Variants in DOCK4 observed in about 807,000 individuals in gnomAD.
DOCK4 encodes the protein dedicator of cytokinesis 4, also known as dedicator of cytokinesis protein 4.
Under a neutral mutation model 268.1 loss-of-function variants are expected in DOCK4, and 97 were observed. The observed-to-expected ratio is 0.36, with a 90% CI of 0.31 to 0.43. The LOEUF (loss-of-function observed/expected upper bound fraction) is 0.43, where lower values mean the gene tolerates loss of function less well. DOCK4 is among the 20% of genes least tolerant of loss of function. DOCK4 has a pLI of 1.00. For missense variants in DOCK4, 2,145 were observed against 2,455.7 expected (o/e 0.87, Z 2.67); for synonymous variants, 954 against 887.2 (o/e 1.08, Z -1.34).
chr7:111,735,924 A>G (rs1435909775), intron 50 of DOCK4, among the ~76,000 whole-genome samples: 1 of 152,168 alleles, frequency 6.6e-6, no homozygotes, highest in Admixed American at 6.5e-5. Context: ...TTTTCACTTA[A>G]TGGGATGGAG....
intron 23 of DOCK4, among the ~76,000 whole-genome samples, chr7:111,859,730 G>T (rs1187992849): frequency 6.6e-6 from 1 of 151,438 alleles, no homozygotes; most frequent in Admixed American, 6.6e-5. Context: ...ACTACGCCCG[G>T]CTAATTTTTT....
At chr7:112,197,690 T>A (rs955651534) in intron 1 of DOCK4, among the ~76,000 whole-genome samples, 1 of 152,074 alleles carries the variant, frequency 6.6e-6, no homozygotes, top group African/African-American at 2.4e-5. Flanking sequence ...AAATTTGGGG[T>A]CTGTCATGTT....
At chr7:111,833,200 A>G (rs933454320) in intron 26 of DOCK4, among the ~76,000 whole-genome samples, 67 of 152,118 alleles carry the variant, frequency 4.4e-4, no homozygotes, top group African/African-American at 1.3e-3. Flanking sequence ...TTGTACTCAG[A>G]GTGGGTAAGT....
chr7:112,132,503 A>T (rs892123229), intron 1 of DOCK4, among the ~76,000 whole-genome samples: 1 of 152,198 alleles, frequency 6.6e-6, no homozygotes, highest in Non-Finnish European at 1.5e-5. Flanking sequence ...GATGATATCT[A>T]GAAACAACAC....
Position 111,778,342 on chromosome 7 carries a change from C to T in DOCK4, c.3613G>A (p.Glu1205Lys). The T allele has an allele frequency of 1.2e-6, 2 of 1,612,216 alleles. No homozygotes were observed. Among genetic ancestry groups the T allele is most frequent in the Non-Finnish European group, 1.7e-6 (2 of 1,178,592 alleles). The change falls in exon 36 of 53, where the codon GAG (glutamate) becomes AAG (lysine). Residue 1205 changes from glutamate to lysine, a missense_variant. By Grantham distance (56) the Glu-to-Lys change is moderately conservative (BLOSUM62 1). Around this residue, in one of 2 missense-constraint regions of DOCK4, gnomAD observed 1,598 missense variants for 1,986.7 expected, o/e 0.80. Transcript: ENST00000428084. ...TGAATGTAGCGTATATACATCTCCT[C>T]CTTGTTCAGTTCAGTCTTATAGAAG... The part of the protein sequence containing the change: ...LNFYKTELNK[E>K]EMYIRYIHKL...
intron 32 of DOCK4, 30 bp from the exon 33 acceptor site, chr7:111,784,153 T>C: frequency 6.4e-7 from 1 of 1,561,066 alleles, no homozygotes; most frequent in Non-Finnish European, 8.6e-7. Flanking sequence ...CAAAGCAAAT[T>C]GATTTTCAGA....
intron 1 of DOCK4, among the ~76,000 whole-genome samples, chr7:112,021,838 G>C (rs565351398): frequency 1.4e-4 from 21 of 152,228 alleles, no homozygotes; most frequent in Non-Finnish European, 2.4e-4. Context: ...TCTTCGCCCT[G>C]CGCTTCCCTA....
intron 13 of DOCK4, among the ~76,000 whole-genome samples, chr7:111,902,951 A>G (rs968305842): frequency 1.3e-5 from 2 of 152,084 alleles, no homozygotes; most frequent in Admixed American, 1.3e-4. Context: ...TTGTATTTTT[A>G]GCAGAGATGG....
At chr7:112,114,808 C>G (rs1811976307) in intron 1 of DOCK4, among the ~76,000 whole-genome samples, 1 of 152,182 alleles carries the variant, frequency 6.6e-6, no homozygotes, top group Non-Finnish European at 1.5e-5. Context: ...TTGATTCACA[C>G]TAAGTAGCCA....
chr7:112,151,460 A>C (rs920870327), intron 1 of DOCK4, among the ~76,000 whole-genome samples: 2 of 152,156 alleles, frequency 1.3e-5, no homozygotes. Context: ...CACAGTTGTC[A>C]CACAGCTAGG....
At position 111,897,062 on chromosome 7, in the gene DOCK4, C is replaced by A. The variant is rs150068037; in HGVS notation, c.1481-1344G>T. Among the ~76,000 whole-genome samples the A allele has an allele frequency of 3.6e-3, 541 of 152,216 alleles. 4 individuals are homozygous for A. Among genetic ancestry groups the A allele is most frequent in the African/African-American group, 0.012 (517 of 41,526 alleles). ...ATCTTGACGACATTGAGTCTTCCTA[C>A]GCATGACCATAGCTCTTGTATCCTT... On this transcript the variant is annotated intron_variant, in intron 15 of 52. Coordinates refer to ENST00000428084, the MANE Select transcript of DOCK4 (RefSeq NM_001363540.2).
chr7:112,026,473 C>T (rs1049521568), intron 1 of DOCK4, among the ~76,000 whole-genome samples: 25 of 152,234 alleles, frequency 1.6e-4, no homozygotes, highest in Admixed American at 2.6e-4. Context: ...TGTTGGGGAC[C>T]GCTGCCCTAA....
At chr7:111,785,029 C>T (rs1799067646) in intron 32 of DOCK4, among the ~76,000 whole-genome samples, 1 of 152,156 alleles carries the variant, frequency 6.6e-6, no homozygotes, top group Non-Finnish European at 1.5e-5. Flanking sequence ...TATGTTCTCT[C>T]CCAAGTTTTC....
chr7:111,750,650 T>C (rs1165550556), intron 42 of DOCK4, among the ~76,000 whole-genome samples: 1 of 152,188 alleles, frequency 6.6e-6, no homozygotes, highest in Non-Finnish European at 1.5e-5. Flanking sequence ...GCATCCTGCC[T>C]GCCTTGAAAT....
chr7:111,766,437 C>T (rs1033228773), intron 38 of DOCK4, among the ~76,000 whole-genome samples: 9 of 152,006 alleles, frequency 5.9e-5, no homozygotes, highest in East Asian at 1.9e-4. Context: ...ATGACACAAA[C>T]GTTCATGTTG....
At chr7:111,825,698 T>C (rs1288439606) in intron 26 of DOCK4, among the ~76,000 whole-genome samples, 2 of 152,170 alleles carry the variant, frequency 1.3e-5, no homozygotes, top group African/African-American at 4.8e-5. Context: ...TTATTTAACA[T>C]GGTTAAACTG....
At chr7:111,909,734 A>G (rs926276587) in intron 13 of DOCK4, among the ~76,000 whole-genome samples, 1 of 152,162 alleles carries the variant, frequency 6.6e-6, no homozygotes, top group African/African-American at 2.4e-5. Context: ...CTGAGGCAGG[A>G]GAATCACTTG....
intron 30 of DOCK4, among the ~76,000 whole-genome samples, chr7:111,791,394 A>G (rs1414540438): frequency 6.6e-6 from 1 of 151,584 alleles, no homozygotes; most frequent in Admixed American, 6.6e-5. Flanking sequence ...TTTTATATGA[A>G]AAAAGGTGGC....
chr7:111,765,267 G>T, intron 38 of DOCK4, 45 bp from the exon 39 acceptor site: 2 of 1,065,790 alleles, frequency 1.9e-6, no homozygotes, highest in Non-Finnish European at 2.7e-6. Context: ...CTCATCTTTC[G>T]GTTCTATCAA....
Sources: gnomAD v4.1 joint callset for allele counts (sites outside exome capture counted in the v4.1 genomes callset) on GRCh38, gnomAD v4.1.1 for gene constraint, gnomAD v4.1.1 regional missense constraint, MANE v1.5 for transcripts, NCBI Gene and HGNC (gene_info 2026-07-23, HGNC 2026-07-21) for gene names.